The following SH3KBP1 variants were observed in gnomAD, a reference collection of about 807,000 sequenced individuals.
SH3KBP1 encodes SH3 domain-containing kinase-binding protein 1.
In SH3KBP1, 8 loss-of-function variants were observed where a neutral mutation model predicts 50.1. That is an observed-to-expected ratio of 0.16 (90% CI 0.09 to 0.29). The LOEUF is 0.29. Ranked by LOEUF, SH3KBP1 falls within the 10% of genes least tolerant of loss-of-function variation. SH3KBP1 has a pLI of 1.00. For synonymous variants in SH3KBP1, 227 were observed against 218.6 expected (o/e 1.04, Z -0.34); for missense variants, 377 against 535.2 (o/e 0.70, Z 2.92).
At chrX:19,546,660 C>G (rs1300832595) in intron 14 of SH3KBP1, among the ~76,000 whole-genome samples, 2 of 112,339 alleles carry the variant, frequency 1.8e-5, no homozygotes, top group African/African-American at 6.5e-5. Context: ...AGAGCACAGC[C>G]CTGCTCGCTA....
intron 2 of SH3KBP1, among the ~76,000 whole-genome samples, chrX:19,804,674 C>T (rs2066981149): frequency 9.1e-6 from 1 of 109,639 alleles, no homozygotes; most frequent in Non-Finnish European, 1.9e-5. Context: ...CTGGTTTCAC[C>T]CCTGCAGAGA....
chrX:19,632,130 T>C (rs1397760325), intron 7 of SH3KBP1, among the ~76,000 whole-genome samples, 172 bp from the exon 8 acceptor site: 1 of 111,729 alleles, frequency 9.0e-6, no homozygotes, highest in Non-Finnish European at 1.9e-5. Context: ...AGTGCTCATT[T>C]TTGGCTCATG....
At chrX:19,857,294 C>T (rs1487833704) in intron 1 of SH3KBP1, among the ~76,000 whole-genome samples, 2 of 110,361 alleles carry the variant, frequency 1.8e-5, no homozygotes, top group African/African-American at 6.6e-5. Flanking sequence ...CTGATGACAC[C>T]TGCGGCAGAA....
intron 7 of SH3KBP1, among the ~76,000 whole-genome samples, chrX:19,642,973 C>T (rs2061895316): frequency 9.0e-6 from 1 of 111,264 alleles, no homozygotes; most frequent in Non-Finnish European, 1.9e-5. Context: ...CAGACATCTA[C>T]GCAGGAAGGA....
chrX:19,857,723 AAAAC>A (rs1250038683), intron 1 of SH3KBP1, among the ~76,000 whole-genome samples: 2 of 111,196 alleles, frequency 1.8e-5, no homozygotes, highest in African/African-American at 6.6e-5. Flanking sequence ...TTCTGTTAAA[AAAAC>A]AAACAAACAA....
intron 5 of SH3KBP1, among the ~76,000 whole-genome samples, chrX:19,687,428 G>A (rs1302019672): frequency 8.9e-6 from 1 of 112,461 alleles, no homozygotes; most frequent in African/African-American, 3.2e-5. Context: ...GGCTGGTGCT[G>A]GGAATGCTTC....
At chrX:19,778,443 A>G (rs1393884061) in intron 2 of SH3KBP1, among the ~76,000 whole-genome samples, 3 of 108,191 alleles carry the variant, frequency 2.8e-5, no homozygotes, top group Non-Finnish European at 5.7e-5. Flanking sequence ...AAAAAAAAAA[A>G]AAAAGAAAAG....
intron 3 of SH3KBP1, among the ~76,000 whole-genome samples, chrX:19,728,694 G>A (rs1438688003): frequency 9.0e-6 from 1 of 111,685 alleles, no homozygotes; most frequent in Non-Finnish European, 1.9e-5. Flanking sequence ...GAACGTTGGG[G>A]AGGGTTTGCA....
At chrX:19,732,777 T>G (rs1184166761) in intron 3 of SH3KBP1, among the ~76,000 whole-genome samples, 1 of 112,094 alleles carries the variant, frequency 8.9e-6, no homozygotes, top group Non-Finnish European at 1.9e-5. Context: ...AAAGAGGAAC[T>G]TTTTTTAATT....
intron 2 of SH3KBP1, among the ~76,000 whole-genome samples, chrX:19,763,971 G>A (rs372663914): frequency 1.1e-5 from 1 of 94,173 alleles, no homozygotes; most frequent in Admixed American, 1.3e-4. Context: ...AACTACAATT[G>A]CCCACTGCAT....
At chrX:19,819,040 G>A (rs1248484883) in intron 2 of SH3KBP1, among the ~76,000 whole-genome samples, 1 of 111,760 alleles carries the variant, frequency 8.9e-6, no homozygotes, top group African/African-American at 3.3e-5. Flanking sequence ...CTCTAGGCCT[G>A]GAGATTTCTT....
In SH3KBP1 at chrX:19,542,137, G is replaced by A. The variant is rs748713170; in HGVS notation, c.1680C>T (p.Gly560=). The A allele has an allele frequency of 1.4e-5, 17 of 1,195,429 alleles. No homozygotes were observed. The South Asian group carries it at 1.5e-4, about 10-fold the overall frequency. ...PPKPGTMAAG[G]GGPAPLSSAA... is the part of the protein sequence containing the mutation. The stretch of plus-strand genomic sequence containing the variant: ...CTGAGGACAGAGGGGCTGGCCCACC[G>A]CCACCTGCTGCCATGGTCCCCGGCT... The change falls in exon 16 of 18, where the codon GGC becomes GGT. Residue 560 remains glycine (G), a synonymous_variant. Transcript: ENST00000397821.
chrX:19,811,661 A>T (rs1322054202), intron 2 of SH3KBP1, among the ~76,000 whole-genome samples: 1 of 112,275 alleles, frequency 8.9e-6, no homozygotes, highest in Non-Finnish European at 1.9e-5. Flanking sequence ...CTTCCATGAT[A>T]CGCAAAAACA....
At chrX:19,595,461 C>T (rs1018837436) in intron 9 of SH3KBP1, among the ~76,000 whole-genome samples, 2 of 112,901 alleles carry the variant, frequency 1.8e-5, no homozygotes, top group African/African-American at 6.4e-5. Context: ...GCAGCCACAT[C>T]AGGTTGCAAG....
intron 2 of SH3KBP1, among the ~76,000 whole-genome samples, chrX:19,755,973 A>G (rs966069274): frequency 9.0e-6 from 1 of 111,269 alleles, no homozygotes; most frequent in Non-Finnish European, 1.9e-5. Flanking sequence ...CTTAAAAGGG[A>G]CAGAAATTGC....
intron 1 of SH3KBP1, among the ~76,000 whole-genome samples, chrX:19,864,572 C>A (rs1384713015): frequency 3.6e-5 from 4 of 111,227 alleles, no homozygotes; most frequent in Non-Finnish European, 7.5e-5. Flanking sequence ...GGGTCATGAG[C>A]CAAGGAATAC....
In SH3KBP1 at chrX:19,676,980, T is replaced by C. The variant is rs374051334; in HGVS notation, c.726+6843A>G. Among the ~76,000 whole-genome samples the C allele has an allele frequency of 1.9e-4, 21 of 112,262 alleles. 2 individuals are homozygous for C. The highest frequency in any genetic ancestry group is 1.4e-3 in the East Asian group (5 of 3,579). Reference sequence around the variant, plus strand: ...CATGGGAAAGAAGCTTCTTGAAAGATTTCTCCGCAGGGAATCCAGTAAACA... The same window carrying C: ...CATGGGAAAGAAGCTTCTTGAAAGACTTCTCCGCAGGGAATCCAGTAAACA... On this transcript the variant is annotated intron_variant, in intron 6 of 17. Coordinates refer to ENST00000397821, the MANE Select transcript of SH3KBP1 (RefSeq NM_031892.3).
chrX:19,736,892 T>G (rs754848697), intron 3 of SH3KBP1, among the ~76,000 whole-genome samples: 1 of 108,371 alleles, frequency 9.2e-6, no homozygotes, highest in East Asian at 2.9e-4. Context: ...CTAAATATCA[T>G]CTACCTCTAA....
At chrX:19,839,034 A>C (rs2068147459) in intron 1 of SH3KBP1, among the ~76,000 whole-genome samples, 1 of 110,602 alleles carries the variant, frequency 9.0e-6, no homozygotes, top group Non-Finnish European at 1.9e-5. Context: ...GCCCCCAAAC[A>C]CTCAGTTATC....
Sources: allele counts gnomAD v4.1 joint callset (sites outside exome capture counted in the v4.1 genomes callset), GRCh38; gene constraint gnomAD v4.1.1; transcripts MANE v1.5; gene names NCBI Gene and HGNC (gene_info 2026-07-23, HGNC 2026-07-21).